The following MARCHF5 variants were observed in gnomAD, a reference collection of about 807,000 sequenced individuals.
MARCHF5 encodes E3 ubiquitin-protein ligase MARCHF5.
MARCHF5 carries 5 observed loss-of-function variants against 36.5 expected under a neutral mutation model. The ratio of observed to expected loss-of-function variants is 0.14; its 90% CI spans 0.07 to 0.29. MARCHF5 has a LOEUF of 0.29. MARCHF5 is among the 10% of genes least tolerant of loss of function. MARCHF5 has a pLI of 1.00. For missense variants in MARCHF5, 179 were observed against 336.3 expected, an observed-to-expected ratio of 0.53 and a Z score of 3.66; for synonymous variants, 103 against 109.9, an observed-to-expected ratio of 0.94 and a Z score of 0.39.
At chr10:92,347,920 C>T (rs1354966378) in intron 3 of MARCHF5, among the ~76,000 whole-genome samples, 5 of 152,314 alleles carry the variant, frequency 3.3e-5, no homozygotes, top group South Asian at 2.1e-4. Context: ...CAGTGGCTCA[C>T]GCCTGTAATC....
rs10552774 is a variant in MARCHF5, at chr10:92,351,901, CGTGTGTGTGTGTGTGTGTGTGTGTGT to C, written c.*707_*732del. On this transcript the variant is annotated 3_prime_UTR_variant, in exon 6 of 6. Transcript: ENST00000358935. ...ATGAAGTAATTTTGACTCATGCAGT[CGTGTGTGTGTGTGTGTGTGTGTGTGT>C]GTGTGTGTGTGTATTTGTGTGTTTC... 1 of 141,232 alleles carries C rather than the reference CGTGTGTGTGTGTGTGTGTGTGTGTGT, an allele frequency of 7.1e-6. No homozygotes were observed. The highest frequency in any genetic ancestry group is 2.6e-5 in the African/African-American group (1 of 38,404). The allele number at this position is 141,232 out of a possible 1,614,324, so 8.7% of individuals were successfully genotyped here. A position where few individuals can be genotyped will look rare whatever the true frequency, so the allele number is the denominator to read the frequency against.
intron 2 of MARCHF5, among the ~76,000 whole-genome samples, chr10:92,328,821 A>ATATATATATATATATATATATATTT (rs372130854): frequency 8.2e-6 from 1 of 122,442 alleles, no homozygotes; most frequent in African/African-American, 3.2e-5. Flanking sequence ...ATATATATAT[A>ATATATATATATATATATATATATTT]TTTTTTTTTT....
At chr10:92,294,998 T>C (rs569781478) in intron 1 of MARCHF5, among the ~76,000 whole-genome samples, 1 of 152,308 alleles carries the variant, frequency 6.6e-6, no homozygotes, top group Non-Finnish European at 1.5e-5. Context: ...TGCCCCTGGG[T>C]ACTACAGCCC....
intron 2 of MARCHF5, among the ~76,000 whole-genome samples, chr10:92,320,255 C>A (rs1843274990): frequency 6.6e-6 from 1 of 151,774 alleles, no homozygotes; most frequent in Non-Finnish European, 1.5e-5. Flanking sequence ...CAAGGTCGTG[C>A]TTTGTTGCCC....
chr10:92,340,873 T>C, intron 3 of MARCHF5, 70 bp downstream of exon 3: 1 of 1,247,928 alleles, frequency 8.0e-7, no homozygotes, highest in East Asian at 2.6e-5. Flanking sequence ...TTGTTAGACA[T>C]TTAAAAGTGT....
chr10:92,348,910 T>C (rs1369626954), intron 3 of MARCHF5, among the ~76,000 whole-genome samples: 1 of 152,224 alleles, frequency 6.6e-6, no homozygotes, highest in East Asian at 1.9e-4. Context: ...AGGCCATCTC[T>C]TGAAGGCCGG....
Position 92,291,169 on chromosome 10 carries a change from C to G in MARCHF5, c.-326C>G. ...CGCGCACGGAGGCGGCGACTCTTAC[C>G]TCACAAAGGTAGCTCCTCCGCCGGC... On this transcript the variant is annotated 5_prime_UTR_variant, in exon 1 of 6. Coordinates refer to ENST00000358935, the MANE Select transcript of MARCHF5 (RefSeq NM_017824.5). 2.2e-6 allele frequency: 1 copy of G among 461,438 alleles called. No homozygotes were observed. The highest frequency in any genetic ancestry group is 2.5e-5 in the South Asian group (1 of 39,498). 28.6% of individuals were successfully genotyped at this position (461,438 alleles called of 1,614,324 possible).
chr10:92,349,971 T>A, intron 5 of MARCHF5, 134 bp downstream of exon 5: 2 of 668,094 alleles, frequency 3.0e-6, no homozygotes, highest in South Asian at 2.0e-5. Flanking sequence ...AGCCTCACTA[T>A]CATTCAATAG....
At position 92,291,197 on chromosome 10, in the gene MARCHF5, C is replaced by T; in HGVS notation, c.-298C>T. 5.9e-6 allele frequency: 3 copies of T among 508,518 alleles called. No individual in the cohort carries two copies. The highest frequency in any genetic ancestry group is 2.4e-5 in the South Asian group (1 of 41,270). The allele number at this position is 508,518 out of a possible 1,614,324, so 31.5% of individuals were successfully genotyped here. ...ACAAAGGTAGCTCCTCCGCCGGCAGCAACTCGGCGCCCGCGGTCCATGGAC... is the reference window on the plus strand; with the variant it reads ...ACAAAGGTAGCTCCTCCGCCGGCAGTAACTCGGCGCCCGCGGTCCATGGAC... On this transcript the variant is annotated 5_prime_UTR_variant, in exon 1 of 6. Coordinates refer to ENST00000358935, the MANE Select transcript of MARCHF5 (RefSeq NM_017824.5).
At chr10:92,343,679 C>T (rs944862342) in intron 3 of MARCHF5, among the ~76,000 whole-genome samples, 53 of 152,350 alleles carry the variant, frequency 3.5e-4, no homozygotes, top group South Asian at 8.3e-4. Context: ...AAGCGATTCT[C>T]CTGCCTCAGC....
intron 3 of MARCHF5, among the ~76,000 whole-genome samples, chr10:92,343,292 T>C (rs542077512): frequency 1.3e-5 from 2 of 152,304 alleles, no homozygotes; most frequent in African/African-American, 4.8e-5. Context: ...CTAGCTTTCC[T>C]CCATAGAACT....
intron 3 of MARCHF5, among the ~76,000 whole-genome samples, chr10:92,343,370 G>A (rs1403441775): frequency 1.3e-5 from 2 of 152,114 alleles, no homozygotes; most frequent in Non-Finnish European, 2.9e-5. Flanking sequence ...TTCCTCAAAT[G>A]GCAGCTAGTC....
chr10:92,323,100 G>A (rs1843311568), intron 2 of MARCHF5, among the ~76,000 whole-genome samples: 1 of 152,122 alleles, frequency 6.6e-6, no homozygotes, highest in Non-Finnish European at 1.5e-5. Flanking sequence ...GCTGTTAACA[G>A]GTGCAGTCAT....
chr10:92,347,365 A>G (rs1843656998), intron 3 of MARCHF5, among the ~76,000 whole-genome samples: 1 of 152,016 alleles, frequency 6.6e-6, no homozygotes, highest in South Asian at 2.1e-4. Flanking sequence ...TGTGCCTGTA[A>G]TCCCATCTAC....
chr10:92,308,368 A>G (rs576780713), intron 1 of MARCHF5: 1 of 152,332 alleles, frequency 6.6e-6, no homozygotes, highest in East Asian at 1.9e-4. Context: ...CATCTTGGTT[A>G]TGGTGGGTTT....
At chr10:92,328,925 C>T (rs115013976) in intron 2 of MARCHF5, among the ~76,000 whole-genome samples, 536 of 150,946 alleles carry the variant, frequency 3.6e-3, no homozygotes, top group African/African-American at 0.012. Context: ...ATGATAAGAC[C>T]GATCAGTGTG....
At position 92,349,523 on chromosome 10, in the gene MARCHF5, A is replaced by G; in HGVS notation, c.544A>G (p.Ile182Val). 1 of 1,613,290 alleles carries G rather than the reference A, an allele frequency of 6.2e-7. No individual in the cohort carries two copies. Among genetic ancestry groups the G allele is most frequent in the Non-Finnish European group, 8.5e-7 (1 of 1,179,668 alleles). The part of the protein sequence containing the change: ...YSNKLQILNS[I>V]FPGIGCPVPR... ...GAATAAACTACAAATTTTAAATAGTATATTTCCAGGTAAGGCACTGAACTG... is the reference window on the plus strand; with the variant it reads ...GAATAAACTACAAATTTTAAATAGTGTATTTCCAGGTAAGGCACTGAACTG... Residue 182 changes from isoleucine to valine, a missense_variant, in exon 4 of 6, where the codon ATA becomes GTA. By Grantham distance (29) the Ile-to-Val change is conservative. Transcript: ENST00000358935.
intron 1 of MARCHF5, among the ~76,000 whole-genome samples, chr10:92,301,283 G>A (rs147172957): frequency 0.012 from 1,836 of 152,328 alleles, 16 homozygotes; most frequent in Non-Finnish European, 0.02. Flanking sequence ...TCTGGAGGAA[G>A]CACATTATGG....
rs59108876 is a variant in MARCHF5 at position 92,302,605 on chromosome 10, C to T, written c.36-8530C>T. ...GATTACAGGCATGCACCACCACACC[C>T]GGCTAATTTTGTATTTTTAGTAGAG... On this transcript the variant is annotated intron_variant, in intron 1 of 5. Coordinates refer to ENST00000358935, the MANE Select transcript of MARCHF5 (RefSeq NM_017824.5). Among the ~76,000 whole-genome samples, 687 of 152,124 alleles carry T rather than the reference C, an allele frequency of 4.5e-3. 5 individuals are homozygous for T. The highest frequency in any genetic ancestry group is 0.016 in the African/African-American group (654 of 41,504).
Sources: allele counts gnomAD v4.1 joint callset (sites outside exome capture counted in the v4.1 genomes callset), GRCh38; gene constraint gnomAD v4.1.1; transcripts MANE v1.5; gene names NCBI Gene and HGNC (gene_info 2026-07-23, HGNC 2026-07-21).